The following HTR2C variants were observed in gnomAD, a reference collection of about 807,000 sequenced individuals.
HTR2C encodes the protein 5-hydroxytryptamine receptor 2C, also known as 5-hydroxytryptamine (serotonin) receptor 2C, G protein-coupled.
HTR2C carries 5 observed loss-of-function variants against 21.0 expected under a neutral mutation model. The ratio of observed to expected loss-of-function variants is 0.24; its 90% confidence interval spans 0.12 to 0.50. HTR2C has a LOEUF of 0.50. HTR2C is among the 20% of genes least tolerant of loss of function. HTR2C has a pLI of 0.98. For synonymous variants in HTR2C, 150 were observed against 145.3 expected (o/e 1.03, Z -0.23); for missense variants, 271 against 371.2 (o/e 0.73, Z 2.22).
rs142682494 is a variant in HTR2C, at chrX:114,784,433, G to A, written c.349+52826G>A. ...ATTCGTGGCTTAAAACAACAGAAAT[G>A]TATTCTCTCACAGTCTGGAGGCCAA... is the stretch of plus-strand genomic sequence containing the variant. On this transcript the variant is annotated intron_variant, in intron 4 of 5. Transcript: ENST00000276198. 2.0e-4 allele frequency among the ~76,000 whole-genome samples: 22 copies of A among 110,897 alleles called. No individual in the cohort carries two copies. The East Asian group carries it at 6.3e-3, about 32-fold the overall frequency.
At chrX:114,826,646 A>G (rs1294666752) in intron 4 of HTR2C, among the ~76,000 whole-genome samples, 1 of 111,990 alleles carries the variant, frequency 8.9e-6, no homozygotes, top group Non-Finnish European at 1.9e-5. Flanking sequence ...ATTTCAGATA[A>G]AGGATGCTCA....
rs192956149 is a variant in HTR2C, at chrX:114,746,464, T to G, written c.349+14857T>G. 9.8e-5 allele frequency among the ~76,000 whole-genome samples: 11 copies of G among 112,114 alleles called. No homozygotes were observed. In the East Asian group the frequency reaches 3.1e-3, roughly 31 times the overall value. ...AAATCAATTAATGTTGATTAATTGATCATCTCAATAGACTAAAGAATATAA... is the reference window on the plus strand; with the variant it reads ...AAATCAATTAATGTTGATTAATTGAGCATCTCAATAGACTAAAGAATATAA... On this transcript the variant is annotated intron_variant, in intron 4 of 5. Transcript: ENST00000276198.
At chrX:114,734,452 G>A (rs1054659872) in intron 4 of HTR2C, among the ~76,000 whole-genome samples, 1 of 107,957 alleles carries the variant, frequency 9.3e-6, no homozygotes, top group Non-Finnish European at 1.9e-5. Flanking sequence ...AATGAACTCT[G>A]AGATAAATCT....
At chrX:114,857,050 G>A (rs2070968134) in intron 5 of HTR2C, among the ~76,000 whole-genome samples, 1 of 111,154 alleles carries the variant, frequency 9.0e-6, no homozygotes, top group African/African-American at 3.3e-5. Flanking sequence ...CTCCCTTTGT[G>A]GTATTTGATA....
chrX:114,744,852 T>C lies in HTR2C; in HGVS notation c.349+13245T>C, dbSNP rs139490759. Among the ~76,000 whole-genome samples the C allele has an allele frequency of 4.9e-3, 546 of 112,208 alleles. 4 individuals are homozygous for C. Among genetic ancestry groups the C allele is most frequent in the African/African-American group, 0.016 (507 of 30,894 alleles). On this transcript the variant is annotated intron_variant, in intron 4 of 5. Transcript: ENST00000276198. Reference sequence around the variant, plus strand: ...AAACTCAAATTACCAGTATCAGTTATTAAAGAAGTAGAATCACTGCAAAAC... The same window carrying C: ...AAACTCAAATTACCAGTATCAGTTACTAAAGAAGTAGAATCACTGCAAAAC...
At chrX:114,806,560 CCATATACATCATATAT>C (rs1569495902) in intron 4 of HTR2C, among the ~76,000 whole-genome samples, 3 of 33,618 alleles carry the variant, frequency 8.9e-5, no homozygotes, top group East Asian at 2.9e-3. Context: ...ACCATATATA[CCATATACATCATATAT>C]ATCATATATA....
At chrX:114,728,291 A>G (rs2069502462) in intron 3 of HTR2C, among the ~76,000 whole-genome samples, 2 of 111,717 alleles carry the variant, frequency 1.8e-5, no homozygotes, top group Admixed American at 9.6e-5. Context: ...ACTTTTGTAT[A>G]CATATTTTAT....
chrX:114,760,331 G>A (rs2147376656), intron 4 of HTR2C, among the ~76,000 whole-genome samples: 1 of 110,855 alleles, frequency 9.0e-6, no homozygotes, highest in African/African-American at 3.3e-5. Flanking sequence ...AATATTTGAG[G>A]CTACCAGATG....
At chrX:114,798,299 C>T (rs782067039) in intron 4 of HTR2C, among the ~76,000 whole-genome samples, 15 of 110,580 alleles carry the variant, frequency 1.4e-4, no homozygotes, top group Non-Finnish European at 2.8e-4. Context: ...GAGTCCATAT[C>T]CAGGGTTTGT....
intron 2 of HTR2C, among the ~76,000 whole-genome samples, chrX:114,703,417 C>T (rs1242930613): frequency 6.3e-5 from 7 of 111,150 alleles, no homozygotes; most frequent in Non-Finnish European, 1.1e-4. Context: ...CACTCAAAAC[C>T]ACTCAACTAC....
chrX:114,652,507 A>G (rs1930614396), intron 2 of HTR2C: 1 of 262,494 alleles, frequency 3.8e-6, no homozygotes, highest in African/African-American at 2.9e-5. Flanking sequence ...ATGGATTTAT[A>G]TAGAAAGAAA....
rs978957046 is a variant in HTR2C, at chrX:114,851,089, G to A, written c.550+2886G>A. 9.8e-5 allele frequency among the ~76,000 whole-genome samples: 11 copies of A among 111,822 alleles called. No homozygotes were observed. The Admixed American group carries it at 1.0e-3, about 11-fold the overall frequency. On this transcript the variant is annotated intron_variant, in intron 5 of 5. Transcript: ENST00000276198. ...TACATAATTATATGTAGATACATAT[G>A]TAATATACATAGTATATACATTATA...
chrX:114,732,690 C>T, intron 4 of HTR2C, among the ~76,000 whole-genome samples: 1 of 111,080 alleles, frequency 9.0e-6, no homozygotes, highest in Middle Eastern at 4.7e-3. Context: ...TTTATCTGCT[C>T]AGTGGGCATT....
chrX:114,735,724 T>C (rs1247353714), intron 4 of HTR2C, among the ~76,000 whole-genome samples: 1 of 111,553 alleles, frequency 9.0e-6, no homozygotes, highest in Non-Finnish European at 1.9e-5. Flanking sequence ...GTTATAAATA[T>C]AAAGTTAACC....
At chrX:114,872,257 C>A (rs2071098308) in intron 5 of HTR2C, among the ~76,000 whole-genome samples, 1 of 110,591 alleles carries the variant, frequency 9.0e-6, no homozygotes, top group South Asian at 3.8e-4. Flanking sequence ...TTCAAAAAAC[C>A]TTTTATTGAT....
Position 114,644,367 on chromosome X carries a change from ATATATATATATATATATATATATAT to A in HTR2C, c.-80+30487_-80+30511del, listed in dbSNP as rs1930272457. ...CTAAAATAAATAAATAAATAAATATATATATATATATATATATATATATATATATATATATATATATTTCTGAGAA... is the reference window on the plus strand; with the variant it reads ...CTAAAATAAATAAATAAATAAATATAATATATATATATATATTTCTGAGAA... On this transcript the variant is annotated intron_variant, in intron 2 of 5. Transcript: ENST00000276198. Among the ~76,000 whole-genome samples, 30 of 48,414 alleles carry A rather than the reference ATATATATATATATATATATATATAT, an allele frequency of 6.2e-4. No homozygotes were observed. In the South Asian group the frequency reaches 0.027, roughly 43 times the overall value. The allele number at this position is 48,414 out of a possible 115,157, so 42.0% of individuals were successfully genotyped here.
chrX:114,829,810 C>T (rs956492241), intron 4 of HTR2C, among the ~76,000 whole-genome samples: 2 of 111,356 alleles, frequency 1.8e-5, no homozygotes, highest in African/African-American at 6.5e-5. Flanking sequence ...TTATTTCTGG[C>T]CTCTCAATCC....
intron 2 of HTR2C, among the ~76,000 whole-genome samples, chrX:114,701,791 C>G (rs1385473543): frequency 9.0e-6 from 1 of 111,553 alleles, no homozygotes; most frequent in East Asian, 2.8e-4. Flanking sequence ...CAAACCAAAG[C>G]AAAGAAGTTA....
chrX:114,869,054 A>C (rs2071070645), intron 5 of HTR2C, among the ~76,000 whole-genome samples: 1 of 107,977 alleles, frequency 9.3e-6, no homozygotes. Context: ...AAGTGATCTC[A>C]TCGTTCAATT....
Sources: gnomAD v4.1 joint callset for allele counts (sites outside exome capture counted in the v4.1 genomes callset) on GRCh38, gnomAD v4.1.1 for gene constraint, MANE v1.5 for transcripts, NCBI Gene and HGNC (gene_info 2026-07-23, HGNC 2026-07-21) for gene names.